CYTH1: variants seen among roughly 807,000 people sequenced by gnomAD.
CYTH1 encodes the protein cytohesin-1.
In CYTH1, 18 loss-of-function variants were observed where a neutral mutation model predicts 61.8. The ratio of observed to expected loss-of-function variants is 0.29; its 90% CI spans 0.20 to 0.43. The LOEUF is 0.43. Among genes scored for constraint, CYTH1 ranks in the 20% least tolerant of loss-of-function variants. The probability of loss-of-function intolerance (pLI) is 1.00; values close to 1 mark genes in which losing one functional copy is unlikely to be tolerated. For synonymous variants in CYTH1, 174 were observed against 184.3 expected, an observed-to-expected ratio of 0.94 and a Z score of 0.45; for missense variants, 336 against 510.5, an observed-to-expected ratio of 0.66 and a Z score of 3.29.
At chr17:78,779,657 G>A (rs781619332) in intron 1 of CYTH1, among the ~76,000 whole-genome samples, 3 of 152,126 alleles carry the variant, frequency 2.0e-5, no homozygotes, top group Non-Finnish European at 2.9e-5. Flanking sequence ...GTAGGAGGTC[G>A]AGAGAAATGA....
intron 1 of CYTH1, among the ~76,000 whole-genome samples, chr17:78,758,081 G>T (rs1050713164): frequency 6.6e-6 from 1 of 152,114 alleles, no homozygotes; most frequent in East Asian, 1.9e-4. Flanking sequence ...CCCTAACCCA[G>T]TAAGTCCACT....
chr17:78,727,661 C>CA, intron 1 of CYTH1: 1 of 471,058 alleles, frequency 2.1e-6, no homozygotes, highest in South Asian at 1.5e-5. Context: ...CACCTACCAG[C>CA]AGGGCAAGGC....
chr17:78,758,705 A>C (rs1277340581), intron 1 of CYTH1, among the ~76,000 whole-genome samples: 2 of 151,344 alleles, frequency 1.3e-5, no homozygotes, highest in Admixed American at 1.3e-4. Flanking sequence ...GAAACTCGAA[A>C]CTCCATCTCA....
chr17:78,745,106 G>A (rs1378913062), intron 1 of CYTH1, among the ~76,000 whole-genome samples: 2 of 152,134 alleles, frequency 1.3e-5, no homozygotes, highest in Non-Finnish European at 2.9e-5. Flanking sequence ...GGGGTCAAGA[G>A]CATTGGTCAG....
intron 1 of CYTH1, among the ~76,000 whole-genome samples, chr17:78,746,678 G>A (rs923511497): frequency 1.3e-5 from 2 of 152,130 alleles, no homozygotes; most frequent in African/African-American, 2.4e-5. Context: ...GTGATGGCTC[G>A]TGCCTATAAT....
At position 78,742,375 on chromosome 17, in the gene CYTH1, G is replaced by A. The variant is rs1057137698; in HGVS notation, c.23-32643C>T. 2.6e-5 allele frequency among the ~76,000 whole-genome samples: 4 copies of A among 152,340 alleles called. No individual in the cohort carries two copies. The East Asian group carries it at 7.7e-4, about 29-fold the overall frequency. ...CCAGGAGTTTGAGACTAGCCTGGGA[G>A]AGAAGGTGGGACCCTGTCTCTACAA... On this transcript the variant is annotated intron_variant, in intron 1 of 13. Coordinates refer to ENST00000446868, the MANE Select transcript of CYTH1 (RefSeq NM_004762.6).
chr17:78,704,539 C>T (rs1406003313), intron 3 of CYTH1, among the ~76,000 whole-genome samples: 1 of 152,106 alleles, frequency 6.6e-6, no homozygotes, highest in East Asian at 1.9e-4. Context: ...GTTTTTGTTA[C>T]AGGCAGGGTC....
chr17:78,700,476 T>C lies in CYTH1; in HGVS notation c.438-33A>G. 3 of 1,535,564 alleles carry C rather than the reference T, an allele frequency of 2.0e-6. No individual in the cohort carries two copies. Among genetic ancestry groups the C allele is most frequent in the Non-Finnish European group, 2.6e-6 (3 of 1,134,374 alleles). On this transcript the variant is annotated intron_variant, in intron 6 of 13. Coordinates refer to ENST00000446868, the MANE Select transcript of CYTH1 (RefSeq NM_004762.6). This position sits in a 1 kb window ranked among gnomAD's most constrained non-coding sequence, Gnocchi z 5.1. ...GGTAAAGACAGAGTGTTCCAGAACT[T>C]GGGGAGGCAATTTATTTCTCTATGA...
intron 1 of CYTH1, among the ~76,000 whole-genome samples, chr17:78,773,113 A>G (rs1396966684): frequency 6.6e-6 from 1 of 152,026 alleles, no homozygotes; most frequent in East Asian, 1.9e-4. Flanking sequence ...GATTACAAGC[A>G]TGAGCCACCA....
At chr17:78,721,863 G>T (rs1331912207) in intron 1 of CYTH1, among the ~76,000 whole-genome samples, 1 of 152,086 alleles carries the variant, frequency 6.6e-6, no homozygotes, top group Non-Finnish European at 1.5e-5. Flanking sequence ...GACCAACACG[G>T]TGAAAAACCC....
intron 1 of CYTH1, among the ~76,000 whole-genome samples, chr17:78,742,524 T>C (rs1446573610): frequency 6.6e-6 from 1 of 152,148 alleles, no homozygotes; most frequent in Non-Finnish European, 1.5e-5. Context: ...ATTGTGCTGT[T>C]GCACTCCAGC....
intron 1 of CYTH1, among the ~76,000 whole-genome samples, chr17:78,747,977 T>C (rs902799459): frequency 3.3e-5 from 5 of 152,150 alleles, no homozygotes; most frequent in African/African-American, 1.2e-4. Context: ...CACTGTGGAG[T>C]GTACTTTCAT....
At chr17:78,764,543 T>C (rs1398808354) in intron 1 of CYTH1, among the ~76,000 whole-genome samples, 1 of 152,124 alleles carries the variant, frequency 6.6e-6, no homozygotes, top group African/African-American at 2.4e-5. Flanking sequence ...AAGTCAACAG[T>C]GAGGAACTCA....
chr17:78,765,590 A>G (rs996055621), intron 1 of CYTH1, among the ~76,000 whole-genome samples: 8 of 152,132 alleles, frequency 5.3e-5, no homozygotes, highest in African/African-American at 1.9e-4. Context: ...AGCAAAACAA[A>G]TGGCAAGCCC....
chr17:78,728,830 G>C (rs527622986), intron 1 of CYTH1, among the ~76,000 whole-genome samples: 1 of 152,268 alleles, frequency 6.6e-6, no homozygotes, highest in East Asian at 1.9e-4. Context: ...ATTCAGTCAA[G>C]GGTGCTGAGC....
rs1171851558 is a variant in CYTH1 at position 78,731,764 on chromosome 17, A to C, written c.23-22032T>G. 4.6e-5 allele frequency among the ~76,000 whole-genome samples: 7 copies of C among 151,800 alleles called. No homozygotes were observed. The East Asian group carries it at 7.7e-4, about 17-fold the overall frequency. On this transcript the variant is annotated intron_variant, in intron 1 of 13. Transcript: ENST00000446868. ...CAGCGAGACTCCGTCTCAAAAAAAA[A>C]AAAAAAACAAAAAAAAACAAATAAA...
At chr17:78,780,184 A>G (rs982040531) in intron 1 of CYTH1, among the ~76,000 whole-genome samples, 1 of 152,204 alleles carries the variant, frequency 6.6e-6, no homozygotes, top group Non-Finnish European at 1.5e-5. Context: ...GAGGGGCTGA[A>G]CAATCTTTTG....
chr17:78,766,086 A>AG (rs2093447473), intron 1 of CYTH1, among the ~76,000 whole-genome samples: 2 of 128,936 alleles, frequency 1.6e-5, no homozygotes, highest in Admixed American at 7.7e-5. Context: ...CCATCTCTAC[A>AG]GAAAAAAAAA....
intron 12 of CYTH1, among the ~76,000 whole-genome samples, chr17:78,680,554 G>A (rs1290894454): frequency 6.6e-6 from 1 of 152,230 alleles, no homozygotes; most frequent in Non-Finnish European, 1.5e-5. Flanking sequence ...ACACCGGCCT[G>A]ATATAAGCTG....
Sources: gnomAD v4.1 joint callset for allele counts (sites outside exome capture counted in the v4.1 genomes callset) on GRCh38, gnomAD v4.1.1 for gene constraint, Gnocchi (gnomAD v3.1) non-coding constraint, MANE v1.5 for transcripts, NCBI Gene and HGNC (gene_info 2026-07-23, HGNC 2026-07-21) for gene names.